Variants in PBX1 observed in about 807,000 individuals in gnomAD.
The protein encoded by PBX1 is PBX homeobox 1.
Under a neutral mutation model 53.4 loss-of-function variants are expected in PBX1, and 6 were observed. The observed-to-expected ratio is 0.11, with a 90% CI of 0.06 to 0.22. PBX1 has a LOEUF of 0.22. Among genes scored for constraint, PBX1 ranks in the 10% least tolerant of loss-of-function variants. The pLI is 1.00. For missense variants in PBX1, 251 were observed against 551.4 expected (o/e 0.46, Z 5.46); for synonymous variants, 204 against 212.3 (o/e 0.96, Z 0.34).
intron 1 of PBX1, among the ~76,000 whole-genome samples, chr1:164,560,912 C>T (rs538873251): frequency 1.4e-4 from 21 of 152,252 alleles, no homozygotes; most frequent in African/African-American, 4.8e-4. Context: ...TACTATAGGA[C>T]ATGAAGGTCT....
intron 2 of PBX1, among the ~76,000 whole-genome samples, chr1:164,859,934 A>G (rs1672060085): frequency 6.6e-6 from 1 of 152,240 alleles, no homozygotes; most frequent in Non-Finnish European, 1.5e-5. Context: ...CAAAGCCAGG[A>G]AGAAATAGAA....
intron 2 of PBX1, among the ~76,000 whole-genome samples, chr1:164,601,235 CAAAAAAAAAAAAAAAAAA>C (rs746798555): frequency 5.9e-5 from 2 of 33,998 alleles, no homozygotes; most frequent in Non-Finnish European, 6.0e-5. Flanking sequence ...GATTCTGTCT[CAAAAAAAAAAAAAAAAAA>C]AAAAAAAAAG....
rs1361618921 is a variant in PBX1 at position 164,848,441 on chromosome 1, A to C, written c.*1765A>C. On this transcript the variant is annotated 3_prime_UTR_variant, in exon 9 of 9. Coordinates refer to ENST00000420696, the MANE Select transcript of PBX1 (RefSeq NM_002585.4). ...TGATTTTGTTCATATCCAATCTGTA[A>C]ATGCGAAGTCAGGGGAAGTAATGTC... The C allele has an allele frequency of 2.8e-6, 3 of 1,056,428 alleles. No homozygotes were observed. Among genetic ancestry groups the C allele is most frequent in the Non-Finnish European group, 3.4e-6 (3 of 873,802 alleles). The allele number at this position is 1,056,428 out of a possible 1,614,324, so 65.4% of individuals were successfully genotyped here. A position where few individuals can be genotyped will look rare whatever the true frequency, so the allele number is the denominator to read the frequency against.
chr1:164,740,513 A>G (rs1281932437), intron 2 of PBX1, among the ~76,000 whole-genome samples: 2 of 152,152 alleles, frequency 1.3e-5, no homozygotes, highest in Admixed American at 6.5e-5. Context: ...AAGCAAACCC[A>G]TAACTATCTT....
At chr1:164,631,322 G>C (rs972194250) in intron 2 of PBX1, among the ~76,000 whole-genome samples, 2 of 145,618 alleles carry the variant, frequency 1.4e-5, no homozygotes, top group African/African-American at 5.1e-5. Flanking sequence ...AGTGCTTTCT[G>C]AACAAACTTA....
chr1:164,865,535 A>T (rs1672197338), intron 2 of PBX1, among the ~76,000 whole-genome samples: 3 of 152,232 alleles, frequency 2.0e-5, no homozygotes. Context: ...GACCAGGCAC[A>T]GTTCTACGAT....
chr1:164,629,923 TA>T (rs1385213369), intron 2 of PBX1, among the ~76,000 whole-genome samples: 2 of 152,244 alleles, frequency 1.3e-5, no homozygotes, highest in African/African-American at 4.8e-5. Context: ...TATATTTATA[TA>T]TTTTTTATGG....
chr1:164,649,378 G>A (rs1659651412), intron 2 of PBX1, among the ~76,000 whole-genome samples: 1 of 152,170 alleles, frequency 6.6e-6, no homozygotes, highest in African/African-American at 2.4e-5. Context: ...GGGAAGGAAA[G>A]TGTTAACTAT....
chr1:164,660,463 CA>C (rs1324441205), intron 2 of PBX1, among the ~76,000 whole-genome samples: 7 of 152,226 alleles, frequency 4.6e-5, no homozygotes, highest in African/African-American at 1.7e-4. Flanking sequence ...GGACACTTTA[CA>C]GACCTCCTCT....
At chr1:164,574,127 TTC>T (rs1423537391) in intron 2 of PBX1, among the ~76,000 whole-genome samples, 1 of 152,208 alleles carries the variant, frequency 6.6e-6, no homozygotes, top group Non-Finnish European at 1.5e-5. Context: ...CCCCACCTCC[TTC>T]TCTGTGTTTT....
chr1:164,789,956 T>C (rs1282998511), intron 2 of PBX1, among the ~76,000 whole-genome samples: 1 of 146,616 alleles, frequency 6.8e-6, no homozygotes, highest in African/African-American at 2.7e-5. Context: ...TATTAATGGC[T>C]CAGAGGCGAT....
At chr1:164,591,642 T>G (rs1655389867) in intron 2 of PBX1, among the ~76,000 whole-genome samples, 1 of 152,232 alleles carries the variant, frequency 6.6e-6, no homozygotes, top group Admixed American at 6.5e-5. Context: ...GGCAGTGCTT[T>G]TATTGATGAT....
intron 2 of PBX1, among the ~76,000 whole-genome samples, chr1:164,637,894 C>G (rs1221743910): frequency 6.6e-6 from 1 of 152,206 alleles, no homozygotes; most frequent in Admixed American, 6.5e-5. Context: ...ACTCATCTCT[C>G]TGGCATGTCA....
intron 2 of PBX1, among the ~76,000 whole-genome samples, chr1:164,863,546 A>T (rs1251642879): frequency 6.6e-6 from 1 of 152,162 alleles, no homozygotes; most frequent in East Asian, 1.9e-4. Context: ...TGCAACTCTG[A>T]TATGTAATAT....
chr1:164,828,042 A>G (rs1009327770), intron 8 of PBX1, among the ~76,000 whole-genome samples: 1 of 152,222 alleles, frequency 6.6e-6, no homozygotes, highest in African/African-American at 2.4e-5. Flanking sequence ...ATTTGAAATT[A>G]AATTATATGA....
chr1:164,878,924 A>C (rs1440373188), intron 2 of PBX1, among the ~76,000 whole-genome samples: 1 of 152,222 alleles, frequency 6.6e-6, no homozygotes, highest in Non-Finnish European at 1.5e-5. Flanking sequence ...GCCGGAGCAT[A>C]ATCTGCCTTT....
chr1:164,882,325 A>C (rs1424809924), intron 2 of PBX1, among the ~76,000 whole-genome samples: 1 of 152,208 alleles, frequency 6.6e-6, no homozygotes, highest in Admixed American at 6.5e-5. Flanking sequence ...AGAGCCTGGG[A>C]AATTCTCATC....
At chr1:164,772,207 A>G (rs1352679356) in intron 2 of PBX1, among the ~76,000 whole-genome samples, 1 of 152,248 alleles carries the variant, frequency 6.6e-6, no homozygotes, top group Non-Finnish European at 1.5e-5. Flanking sequence ...AGTGCATAAC[A>G]TATAGCAGAT....
chr1:164,832,247 C>A (rs545747368), intron 8 of PBX1, among the ~76,000 whole-genome samples: 1 of 152,038 alleles, frequency 6.6e-6, no homozygotes, highest in African/African-American at 2.4e-5. Flanking sequence ...TTTTGGAGAC[C>A]GAATGATATG....
Sources: gnomAD v4.1 joint callset for allele counts (sites outside exome capture counted in the v4.1 genomes callset) on GRCh38, gnomAD v4.1.1 for gene constraint, MANE v1.5 for transcripts, NCBI Gene and HGNC (gene_info 2026-07-23, HGNC 2026-07-21) for gene names.